SOX5: variants seen among roughly 807,000 people sequenced by gnomAD.
SOX5 encodes SRY-box transcription factor 5.
In SOX5, 9 loss-of-function variants were observed where a neutral mutation model predicts 92.0. The observed-to-expected ratio is 0.10, with a 90% CI of 0.06 to 0.17. The LOEUF (loss-of-function observed/expected upper bound fraction) is 0.17. Ranked by LOEUF, SOX5 falls within the 10% of genes least tolerant of loss-of-function variation. The pLI, the probability that SOX5 is intolerant of heterozygous loss-of-function variation, is 1.00. For synonymous variants in SOX5, 344 were observed against 336.3 expected, an observed-to-expected ratio of 1.02 and a Z score of -0.25; for missense variants, 642 against 944.5, an observed-to-expected ratio of 0.68 and a Z score of 4.20.
chr12:24,180,856 T>A (rs927707687), intron 4 of SOX5, among the ~76,000 whole-genome samples: 1 of 152,212 alleles, frequency 6.6e-6, no homozygotes, highest in Non-Finnish European at 1.5e-5. Flanking sequence ...AAGTAGTTAA[T>A]GTAACCCATA....
chr12:24,548,872 A>G (rs903137571), intron 1 of SOX5, among the ~76,000 whole-genome samples: 1 of 152,180 alleles, frequency 6.6e-6, no homozygotes, highest in African/African-American at 2.4e-5. Flanking sequence ...TTGTCCTGAG[A>G]AACCTCAATG....
At chr12:23,577,176 C>CACACACATATAT (rs1273547543) in intron 9 of SOX5, among the ~76,000 whole-genome samples, 1 of 76,968 alleles carries the variant, frequency 1.3e-5, no homozygotes, top group African/African-American at 4.8e-5. Flanking sequence ...CACACACACA[C>CACACACATATAT]ATATATATAT....
At chr12:24,433,563 G>A (rs1177148448) in intron 1 of SOX5, among the ~76,000 whole-genome samples, 1 of 152,140 alleles carries the variant, frequency 6.6e-6, no homozygotes, top group Non-Finnish European at 1.5e-5. Context: ...TGTAAAACAG[G>A]CAAAGAAAAC....
intron 6 of SOX5, among the ~76,000 whole-genome samples, chr12:23,680,576 T>G (rs1029599519): frequency 4.6e-5 from 7 of 151,832 alleles, no homozygotes; most frequent in Non-Finnish European, 1.0e-4. Flanking sequence ...TTTTTTTAAA[T>G]GGAGGAAGGC....
chr12:24,530,406 T>G (rs1951085489), intron 1 of SOX5, among the ~76,000 whole-genome samples: 1 of 152,180 alleles, frequency 6.6e-6, no homozygotes, highest in African/African-American at 2.4e-5. Flanking sequence ...ATGTGGGTAA[T>G]AGCTACATTT....
chr12:24,088,848 GA>G (rs910972093), intron 4 of SOX5, among the ~76,000 whole-genome samples: 6 of 152,146 alleles, frequency 3.9e-5, no homozygotes, highest in African/African-American at 1.4e-4. Flanking sequence ...TTCAAATGAG[GA>G]AAAGTATGAT....
intron 2 of SOX5, among the ~76,000 whole-genome samples, chr12:23,862,276 T>A (rs919942872): frequency 6.6e-6 from 1 of 152,132 alleles, no homozygotes; most frequent in Non-Finnish European, 1.5e-5. Context: ...AAATTTAACA[T>A]CTCTTCCTTT....
chr12:24,075,797 T>C (rs1351289578), intron 4 of SOX5, among the ~76,000 whole-genome samples: 1 of 152,108 alleles, frequency 6.6e-6, no homozygotes, highest in East Asian at 1.9e-4. Context: ...CTCATGACAA[T>C]TTTTCAAAGC....
chr12:24,488,537 G>A (rs1181884324), intron 1 of SOX5, among the ~76,000 whole-genome samples: 1 of 152,146 alleles, frequency 6.6e-6, no homozygotes, highest in African/African-American at 2.4e-5. Flanking sequence ...AGTGAACTAT[G>A]ATGGCACCAC....
intron 2 of SOX5, among the ~76,000 whole-genome samples, chr12:23,852,167 C>T (rs7306606): frequency 0.52 from 78,856 of 151,978 alleles, 21,277 homozygotes; most frequent in East Asian, 0.89. Flanking sequence ...AATACTTAAA[C>T]AGGCATCTGC....
At chr12:24,169,136 G>A (rs996997039) in intron 4 of SOX5, among the ~76,000 whole-genome samples, 1 of 152,052 alleles carries the variant, frequency 6.6e-6, no homozygotes, top group Non-Finnish European at 1.5e-5. Context: ...GATCTCTTAG[G>A]ATTAAAAGGT....
At chr12:23,760,314 A>G (rs958073143) in intron 3 of SOX5, among the ~76,000 whole-genome samples, 2 of 152,132 alleles carry the variant, frequency 1.3e-5, no homozygotes, top group African/African-American at 2.4e-5. Flanking sequence ...CAGATGGAAT[A>G]CAAAACCAGG....
rs556373143 is a variant in SOX5 at position 23,646,879 on chromosome 12, C to G, written c.932-5982G>C. On this transcript the variant is annotated intron_variant, in intron 7 of 14. Transcript: ENST00000451604. ...ATTTCCTCTACTGATGTCTTGAACC[C>G]CTCAAAGTCATCCAAGGGGGGTAAA... is the stretch of plus-strand genomic sequence containing the variant. Among the ~76,000 whole-genome samples, 3 of 152,234 alleles carry G rather than the reference C, an allele frequency of 2.0e-5. No individual in the cohort carries two copies. The East Asian group carries it at 5.8e-4, about 29-fold the overall frequency.
At chr12:23,897,508 C>G (rs1014433094) in intron 1 of SOX5, among the ~76,000 whole-genome samples, 4 of 152,026 alleles carry the variant, frequency 2.6e-5, no homozygotes, top group Non-Finnish European at 5.9e-5. Flanking sequence ...TGAAAATGGA[C>G]TATGTATCAT....
At chr12:24,390,414 T>C (rs998813748) in intron 1 of SOX5, among the ~76,000 whole-genome samples, 2 of 152,170 alleles carry the variant, frequency 1.3e-5, no homozygotes, top group African/African-American at 4.8e-5. Context: ...AATTGACCAA[T>C]GAATTTTTAG....
intron 1 of SOX5, among the ~76,000 whole-genome samples, chr12:24,387,401 C>T (rs1596175735): frequency 6.6e-6 from 1 of 152,124 alleles, no homozygotes; most frequent in African/African-American, 2.4e-5. Flanking sequence ...TGTTAGTGTA[C>T]TTTATGTGTG....
intron 3 of SOX5, among the ~76,000 whole-genome samples, chr12:23,779,431 A>T (rs549946443): frequency 1.2e-3 from 186 of 150,814 alleles, no homozygotes; most frequent in Non-Finnish European, 2.4e-3. Flanking sequence ...GACAAAATAA[A>T]TGAACAAGCA....
At chr12:24,244,754 A>G (rs1285425743) in intron 3 of SOX5, among the ~76,000 whole-genome samples, 1 of 152,206 alleles carries the variant, frequency 6.6e-6, no homozygotes, top group Non-Finnish European at 1.5e-5. Context: ...GTGCAATGGC[A>G]TGATCTTGGC....
intron 4 of SOX5, among the ~76,000 whole-genome samples, chr12:24,100,118 A>G (rs1489661468): frequency 6.6e-6 from 1 of 152,140 alleles, no homozygotes; most frequent in Non-Finnish European, 1.5e-5. Context: ...TCCTGCATCT[A>G]CAATCTCTCC....
Sources: allele counts gnomAD v4.1 joint callset (sites outside exome capture counted in the v4.1 genomes callset), GRCh38; gene constraint gnomAD v4.1.1; transcripts MANE v1.5; gene names NCBI Gene and HGNC (gene_info 2026-07-23, HGNC 2026-07-21).